STX1B: variants seen among roughly 807,000 people sequenced by gnomAD.
STX1B encodes syntaxin 1B.
In STX1B, 7 loss-of-function variants were observed where a neutral mutation model predicts 39.4. That is an observed-to-expected ratio of 0.18 (90% CI 0.10 to 0.33). STX1B has a LOEUF of 0.33. STX1B is among the 10% of genes least tolerant of loss of function. STX1B has a pLI of 1.00. For missense variants in STX1B, 198 were observed against 383.2 expected, an observed-to-expected ratio of 0.52 and a Z score of 4.04; for synonymous variants, 136 against 144.1, an observed-to-expected ratio of 0.94 and a Z score of 0.40.
intron 1 of STX1B, among the ~76,000 whole-genome samples, chr16:31,002,224 A>G (rs548242278): frequency 6.8e-6 from 1 of 146,484 alleles, no homozygotes; most frequent in African/African-American, 2.5e-5. Flanking sequence ...CTCGCAGTGG[A>G]TTCACTTGCT....
chr16:30,997,324 C>T (rs2056599940), intron 5 of STX1B, among the ~76,000 whole-genome samples, 178 bp downstream of exon 5: 1 of 152,158 alleles, frequency 6.6e-6, no homozygotes, highest in Admixed American at 6.5e-5. Flanking sequence ...GGCTCGACCC[C>T]GCCCTCCCCG....
At position 30,991,412 on chromosome 16, in the gene STX1B, C is replaced by G. The variant is rs911561630; in HGVS notation, c.*1409G>C. ...AATGATGTAGCCGTGTGTGGCCACA[C>G]CAGCACTGGGCAGCACCTCTGGGGA... is the stretch of plus-strand genomic sequence containing the variant. On this transcript the variant is annotated 3_prime_UTR_variant, in exon 10 of 10. Coordinates refer to ENST00000215095, the MANE Select transcript of STX1B (RefSeq NM_052874.5). 1 of 152,874 alleles carries G rather than the reference C, an allele frequency of 6.5e-6. No homozygotes were observed. Among genetic ancestry groups the G allele is most frequent in the African/African-American group, 2.4e-5 (1 of 41,420 alleles). The allele number at this position is 152,874 out of a possible 1,614,324, so 9.5% of individuals were successfully genotyped here.
chr16:30,992,627 T>C lies in STX1B; in HGVS notation c.*194A>G, dbSNP rs2056565942. The C allele has an allele frequency of 2.3e-6, 1 of 428,420 alleles. No homozygotes were observed. Among genetic ancestry groups the C allele is most frequent in the Non-Finnish European group, 3.9e-6 (1 of 254,342 alleles). 26.5% of individuals were successfully genotyped at this position (428,420 alleles called of 1,614,324 possible). A position where few individuals can be genotyped will look rare whatever the true frequency, so the allele number is the denominator to read the frequency against. On this transcript the variant is annotated 3_prime_UTR_variant, in exon 10 of 10. Coordinates refer to ENST00000215095, the MANE Select transcript of STX1B (RefSeq NM_052874.5). ...GCATGTGTAATCACGCCTGCTGCGA[T>C]CTACGTGCGGGGACGGGGGGGGGGT...
chr16:31,002,355 A>C (rs1596720337), intron 1 of STX1B, among the ~76,000 whole-genome samples: 1 of 151,720 alleles, frequency 6.6e-6, no homozygotes, highest in Non-Finnish European at 1.5e-5. Context: ...AGATTTACCC[A>C]CCCACAGCAC....
In STX1B at chr16:30,990,297, G is replaced by A. The variant is rs945486563; in HGVS notation, c.*2524C>T. 3.9e-5 allele frequency: 6 copies of A among 152,248 alleles called. No individual in the cohort carries two copies. Among genetic ancestry groups the A allele is most frequent in the Non-Finnish European group, 8.8e-5 (6 of 68,086 alleles). 9.4% of individuals were successfully genotyped at this position (152,248 alleles called of 1,614,324 possible). A position where few individuals can be genotyped will look rare whatever the true frequency, so the allele number is the denominator to read the frequency against. On this transcript the variant is annotated 3_prime_UTR_variant, in exon 10 of 10. Transcript: ENST00000215095. ...TGATGTCTCCCAAGCAGCCCGAGAT[G>A]GGAGCAGGAGGGCCGTGGCCAGACT...
chr16:30,996,408 A>G, intron 7 of STX1B: 2 of 357,072 alleles, frequency 5.6e-6, no homozygotes, highest in Non-Finnish European at 1.0e-5. Context: ...TCATCTGTGA[A>G]ATGGGGTTTC....
At chr16:30,994,254 T>C (rs1251648901) in intron 7 of STX1B, among the ~76,000 whole-genome samples, 14 of 148,924 alleles carry the variant, frequency 9.4e-5, no homozygotes, top group Non-Finnish European at 8.9e-5. Context: ...ATTGCGCCAC[T>C]GCACTCCAGC....
chr16:31,006,003 G>C (rs541443997), intron 1 of STX1B, among the ~76,000 whole-genome samples: 2 of 152,348 alleles, frequency 1.3e-5, no homozygotes, highest in Non-Finnish European at 2.9e-5. Context: ...GTGACAGTGA[G>C]AGCCAGCAAG....
At chr16:30,997,475 G>C in intron 5 of STX1B, 27 bp downstream of exon 5, 1 of 1,581,024 alleles carries the variant, frequency 6.3e-7, no homozygotes. Context: ...GTCCCGACCC[G>C]ACCCCCAATG....
intron 1 of STX1B, among the ~76,000 whole-genome samples, chr16:31,005,305 A>T (rs1410879412): frequency 1.3e-5 from 2 of 152,188 alleles, no homozygotes; most frequent in Non-Finnish European, 1.5e-5. Flanking sequence ...CTAGGAAAAG[A>T]TGATCAAATG....
At position 30,995,349 on chromosome 16, in the gene STX1B, C is replaced by T. The variant is rs556275432; in HGVS notation, c.537+1334G>A. ...CTGAAAACTTTTAAGACAGTCATAG[C>T]GCATCCTTTAAACCTGGTCTAGAAC... On this transcript the variant is annotated intron_variant, in intron 7 of 9. Transcript: ENST00000215095. Among the ~76,000 whole-genome samples, 16 of 152,208 alleles carry T rather than the reference C, an allele frequency of 1.1e-4. No individual in the cohort carries two copies. The East Asian group carries it at 2.3e-3, about 22-fold the overall frequency.
rs2056676410 is a variant in STX1B at position 31,010,531 on chromosome 16, G to T, written c.-135C>A. Reference sequence around the variant, plus strand: ...GCCGCTGCGGGGGGCCTGCGGGCGGGGGCGGGGCCGGGGGCGACTGGCCGA... The same window carrying T: ...GCCGCTGCGGGGGGCCTGCGGGCGGTGGCGGGGCCGGGGGCGACTGGCCGA... On this transcript the variant is annotated 5_prime_UTR_variant, in exon 1 of 10. Coordinates refer to ENST00000215095, the MANE Select transcript of STX1B (RefSeq NM_052874.5). 2 of 325,266 alleles carry T rather than the reference G, an allele frequency of 6.1e-6. No homozygotes were observed. Among genetic ancestry groups the T allele is most frequent in the Non-Finnish European group, 9.5e-6 (2 of 210,756 alleles). 20.1% of individuals were successfully genotyped at this position (325,266 alleles called of 1,614,324 possible).
At chr16:30,997,617 C>CA in intron 4 of STX1B, 42 bp from the exon 5 acceptor site, 2 of 1,563,666 alleles carry the variant, frequency 1.3e-6, no homozygotes, top group Non-Finnish European at 1.7e-6. Context: ...AGACCCGGGG[C>CA]ACATGGGGCG....
chr16:30,997,947 T>A (rs1567378471), intron 4 of STX1B, among the ~76,000 whole-genome samples: 1 of 152,078 alleles, frequency 6.6e-6, no homozygotes, highest in Non-Finnish European at 1.5e-5. Context: ...GTATGTGGGG[T>A]GCTCCCTACT....
chr16:31,004,939 G>A (rs987810157), intron 1 of STX1B, among the ~76,000 whole-genome samples: 1 of 152,202 alleles, frequency 6.6e-6, no homozygotes, highest in Admixed American at 6.5e-5. Context: ...GCTGACAGAT[G>A]GCAGTCCCTC....
At chr16:30,993,106 C>T in intron 9 of STX1B, 24 bp downstream of exon 9, 1 of 1,610,826 alleles carries the variant, frequency 6.2e-7, no homozygotes, top group Non-Finnish European at 8.5e-7. Flanking sequence ...CCCCGCCTAC[C>T]CCCAGGCCGC....
chr16:30,998,305 G>A (rs753136131), intron 4 of STX1B, among the ~76,000 whole-genome samples: 5 of 152,222 alleles, frequency 3.3e-5, no homozygotes, highest in African/African-American at 9.6e-5. Flanking sequence ...ATGAATCACC[G>A]GCCCTCTCAG....
chr16:30,999,369 T>C (rs2056611983), intron 4 of STX1B, among the ~76,000 whole-genome samples: 1 of 152,208 alleles, frequency 6.6e-6, no homozygotes, highest in South Asian at 2.1e-4. Flanking sequence ...AGGTAGCTGA[T>C]ATAGCTCCTC....
In STX1B at chr16:31,000,820, A is replaced by G. The variant is rs1244324498; in HGVS notation, c.280+108T>C. 4 of 1,102,506 alleles carry G rather than the reference A, an allele frequency of 3.6e-6. No homozygotes were observed. In the African/African-American group the frequency reaches 6.2e-5, roughly 17 times the overall value. 68.3% of individuals were successfully genotyped at this position (1,102,506 alleles called of 1,614,324 possible). A position where few individuals can be genotyped will look rare whatever the true frequency, so the allele number is the denominator to read the frequency against. On this transcript the variant is annotated intron_variant, in intron 4 of 9. Coordinates refer to ENST00000215095, the MANE Select transcript of STX1B (RefSeq NM_052874.5). ...TGCCATGTTGCCCAGGCTGGTGTTG[A>G]ACTCCTGGGATTGAGCAATTGGCCC...
Sources: allele counts gnomAD v4.1 joint callset (sites outside exome capture counted in the v4.1 genomes callset), GRCh38; gene constraint gnomAD v4.1.1; transcripts MANE v1.5; gene names NCBI Gene and HGNC (gene_info 2026-07-23, HGNC 2026-07-21).